The following ESR1 variants were observed in gnomAD, a reference collection of about 807,000 sequenced individuals.
The protein encoded by ESR1 is estrogen receptor.
Under a neutral mutation model 52.7 loss-of-function variants are expected in ESR1, and 12 were observed. That is an observed-to-expected ratio of 0.23 (90% CI 0.15 to 0.37). The LOEUF (loss-of-function observed/expected upper bound fraction) is 0.37, where lower values mean the gene tolerates loss of function less well. ESR1 is among the 10% of genes least tolerant of loss of function. ESR1 has a pLI of 1.00. For missense variants in ESR1, 584 were observed against 779.7 expected (o/e 0.75, Z 2.99); for synonymous variants, 305 against 316.8 (o/e 0.96, Z 0.39).
At chr6:151,881,882 CAATAAATAAATAAATAAATAAATAAATA>C in intron 3 of ESR1, among the ~76,000 whole-genome samples, 1 of 134,868 alleles carries the variant, frequency 7.4e-6, no homozygotes, top group African/African-American at 2.8e-5. Flanking sequence ...GACTCTGTCT[CAATAAATAAATAAATAAATAAATAAATA>C]AATAAATAAA....
chr6:152,070,318 C>G (rs2048268316), intron 6 of ESR1, among the ~76,000 whole-genome samples: 1 of 137,396 alleles, frequency 7.3e-6, no homozygotes, highest in Non-Finnish European at 1.5e-5. Flanking sequence ...CTCCCTCTGT[C>G]CTTGTTCCCA....
At chr6:151,921,419 G>A (rs182851827) in intron 3 of ESR1, among the ~76,000 whole-genome samples, 185 of 152,256 alleles carry the variant, frequency 1.2e-3, no homozygotes, top group African/African-American at 4.2e-3. Flanking sequence ...CTTTGTAATA[G>A]AGTGATTTAT....
chr6:152,108,933 G>A (rs1052764543), intron 6 of ESR1, among the ~76,000 whole-genome samples: 3 of 152,138 alleles, frequency 2.0e-5, no homozygotes, highest in Admixed American at 6.5e-5. Flanking sequence ...ATTGGCTTAC[G>A]GTTCTGCAGG....
At chr6:151,675,126 A>G (rs1778208078) in intron 1 of ESR1, among the ~76,000 whole-genome samples, 1 of 152,244 alleles carries the variant, frequency 6.6e-6, no homozygotes, top group African/African-American at 2.4e-5. Flanking sequence ...ATTGAGTACA[A>G]TATTAGAAGC....
intron 3 of ESR1, among the ~76,000 whole-genome samples, chr6:151,891,734 G>A (rs181038676): frequency 1.3e-3 from 197 of 152,194 alleles, no homozygotes; most frequent in African/African-American, 4.5e-3. Context: ...ATAGACATAT[G>A]CATGAGTAAG....
intron 3 of ESR1, among the ~76,000 whole-genome samples, chr6:151,942,837 C>T (rs1316000850): frequency 1.3e-5 from 2 of 152,006 alleles, no homozygotes; most frequent in Non-Finnish European, 2.9e-5. Flanking sequence ...CGATTGCTTC[C>T]TTCATATAAA....
chr6:152,004,079 A>G (rs1358886258), intron 4 of ESR1, among the ~76,000 whole-genome samples: 4 of 151,976 alleles, frequency 2.6e-5, no homozygotes, highest in Non-Finnish European at 5.9e-5. Flanking sequence ...TTCTTTCTAA[A>G]TAGAGAAGTT....
intron 6 of ESR1, among the ~76,000 whole-genome samples, chr6:152,086,096 G>T (rs1045517457): frequency 1.3e-5 from 2 of 152,186 alleles, no homozygotes; most frequent in Admixed American, 6.5e-5. Context: ...ACCCCAGTGG[G>T]ACTAGAAGTT....
chr6:151,867,947 T>C (rs1413681854), intron 2 of ESR1, among the ~76,000 whole-genome samples: 1 of 152,178 alleles, frequency 6.6e-6, no homozygotes, highest in Admixed American at 6.5e-5. Context: ...TATTTTTGCA[T>C]ATTATTTATT....
intron 3 of ESR1, among the ~76,000 whole-genome samples, chr6:151,881,540 A>G (rs1300832068): frequency 6.6e-6 from 1 of 152,148 alleles, no homozygotes; most frequent in African/African-American, 2.4e-5. Flanking sequence ...ACCTCATTGT[A>G]TTCTTGGGAG....
intron 3 of ESR1, among the ~76,000 whole-genome samples, chr6:151,925,124 T>TTTTTTTGTTTG (rs1554285734): frequency 1.3e-5 from 2 of 150,704 alleles, no homozygotes; most frequent in Non-Finnish European, 3.0e-5. Context: ...CAGCATCTGG[T>TTTTTTTGTTTG]TTTTTTTGTT....
downstream of ESR1, among the ~76,000 whole-genome samples, chr6:152,106,605 T>C (rs894377293): frequency 6.6e-6 from 1 of 152,202 alleles, no homozygotes; most frequent in African/African-American, 2.4e-5. Flanking sequence ...GTTTTGTTTT[T>C]TGAGACAGGG....
At chr6:151,677,787 G>T (rs111246926) in intron 1 of ESR1, among the ~76,000 whole-genome samples, 11 of 152,010 alleles carry the variant, frequency 7.2e-5, no homozygotes, top group Middle Eastern at 3.2e-3. Context: ...TAATAGAGTC[G>T]CCCTGGGAAG....
At chr6:151,713,602 C>T (rs570070301) in intron 2 of ESR1, among the ~76,000 whole-genome samples, 1 of 152,234 alleles carries the variant, frequency 6.6e-6, no homozygotes, top group Admixed American at 6.5e-5. Context: ...TCCATTTCTT[C>T]TGGATTTTCT....
At chr6:151,893,771 C>G (rs969840833) in intron 3 of ESR1, among the ~76,000 whole-genome samples, 3 of 152,118 alleles carry the variant, frequency 2.0e-5, no homozygotes, top group African/African-American at 7.2e-5. Context: ...AAGGAGGCTG[C>G]TGGAGCTGAG....
intron 4 of ESR1, among the ~76,000 whole-genome samples, chr6:151,961,955 A>G (rs1455065156): frequency 6.6e-6 from 1 of 152,092 alleles, no homozygotes; most frequent in Admixed American, 6.6e-5. Flanking sequence ...CTGGAAAATG[A>G]GTATGATGAG....
Position 152,051,984 on chromosome 6 carries a change from C to A in ESR1, c.1236-9007C>A, listed in dbSNP as rs139983391. On this transcript the variant is annotated intron_variant, in intron 5 of 7. Transcript: ENST00000206249. ...ATTTTGTGCTGCTATAAAGGAATAC[C>A]TGATGCCAGGTAATTTATAAAGAAA... Among the ~76,000 whole-genome samples, 30 of 152,238 alleles carry A rather than the reference C, an allele frequency of 2.0e-4. No individual in the cohort carries two copies. The East Asian group carries it at 4.8e-3, about 25-fold the overall frequency.
chr6:151,697,496 A>C (rs1453675506), intron 1 of ESR1, among the ~76,000 whole-genome samples: 1 of 152,258 alleles, frequency 6.6e-6, no homozygotes. Context: ...TTTGAAAGGC[A>C]GTATGCCTTA....
chr6:152,094,704 ATAAATGCTAT>A lies in ESR1; in HGVS notation c.1553+137_1553+146del. 1.2e-6 allele frequency: 1 copy of A among 803,494 alleles called. No homozygotes were observed. The highest frequency in any genetic ancestry group is 2.1e-6 in the Non-Finnish European group (1 of 483,992). 49.8% of individuals were successfully genotyped at this position (803,494 alleles called of 1,614,324 possible). On this transcript the variant is annotated intron_variant, in intron 7 of 7. Transcript: ENST00000206249. This position sits in a 1 kb window ranked among gnomAD's most constrained non-coding sequence, Gnocchi z 4.6. ...TGACAGTTCCTGGCATAGAATAAGC[ATAAATGCTAT>A]AGGAGGACAGAAGAGAGAGGTTTTA...
Sources: allele counts gnomAD v4.1 joint callset (sites outside exome capture counted in the v4.1 genomes callset), GRCh38; gene constraint gnomAD v4.1.1; non-coding constraint Gnocchi (gnomAD v3.1); transcripts MANE v1.5; gene names NCBI Gene and HGNC (gene_info 2026-07-23, HGNC 2026-07-21).